The following PCBP3 variants were observed in gnomAD, a reference collection of about 807,000 sequenced individuals.
The protein encoded by PCBP3 is poly(rC)-binding protein 3.
PCBP3 carries 25 observed loss-of-function variants against 52.7 expected under a neutral mutation model. The ratio of observed to expected loss-of-function variants is 0.47; its 90% CI spans 0.35 to 0.66. The LOEUF is 0.66. Among genes scored for constraint, PCBP3 ranks in the 30% least tolerant of loss-of-function variants. The pLI, the probability that PCBP3 is intolerant of heterozygous loss-of-function variation, is 0.01. For missense variants in PCBP3, 391 were observed against 490.3 expected (o/e 0.80, Z 1.91); for synonymous variants, 162 against 183.0 (o/e 0.89, Z 0.93).
chr21:45,658,736 G>C (rs1191263075), intron 1 of PCBP3, among the ~76,000 whole-genome samples: 1 of 152,210 alleles, frequency 6.6e-6, no homozygotes, highest in Non-Finnish European at 1.5e-5. Flanking sequence ...GTTTCTCCTT[G>C]TGAAGGATTG....
chr21:45,790,523 C>T (rs1459956739), intron 4 of PCBP3, among the ~76,000 whole-genome samples: 2 of 152,024 alleles, frequency 1.3e-5, no homozygotes, highest in South Asian at 2.1e-4. Context: ...TGTTTTATGC[C>T]GGAAATGGCA....
intron 13 of PCBP3, 112 bp from the exon 14 acceptor site, chr21:45,929,805 A>C: frequency 2.5e-6 from 2 of 785,868 alleles, no homozygotes; most frequent in Non-Finnish European, 4.5e-6. Flanking sequence ...ATGTGTCCGC[A>C]TGGCCCTCTT....
intron 2 of PCBP3, among the ~76,000 whole-genome samples, chr21:45,722,964 A>T (rs1396006511): frequency 1.3e-5 from 2 of 151,832 alleles, no homozygotes; most frequent in Non-Finnish European, 2.9e-5. Context: ...CAGTGAGCTG[A>T]TAGCGCACCA....
chr21:45,937,927 A>T (rs1026367682), intron 16 of PCBP3, among the ~76,000 whole-genome samples: 6 of 152,264 alleles, frequency 3.9e-5, no homozygotes, highest in African/African-American at 1.4e-4. Context: ...ATGATGTCCC[A>T]TCAGCATTCA....
Position 45,917,541 on chromosome 21 carries a change from G to C in PCBP3, c.676-47G>C. The C allele has an allele frequency of 6.5e-7, 1 of 1,544,584 alleles. No homozygotes were observed. The highest frequency in any genetic ancestry group is 8.9e-7 in the Non-Finnish European group (1 of 1,119,556). On this transcript the variant is annotated intron_variant, in intron 12 of 17. Transcript: ENST00000681687. This position sits in a 1 kb window ranked among gnomAD's most constrained non-coding sequence, Gnocchi z 5.3. ...GGAGGGTGGCGGCGGGTGCTGAGCC[G>C]TGGTGCAGCCAGGTTGCAGTCTGAC... is the stretch of plus-strand genomic sequence containing the variant.
At position 45,941,650 on chromosome 21, in the gene PCBP3, C is replaced by A. The variant is rs2149628259; in HGVS notation, c.1080-20C>A. 1 of 1,604,474 alleles carries A rather than the reference C, an allele frequency of 6.2e-7. No individual in the cohort carries two copies. The highest frequency in any genetic ancestry group is 1.7e-4 in the Middle Eastern group (1 of 6,034). On this transcript the variant is annotated intron_variant, in intron 17 of 17. Transcript: ENST00000681687. Reference sequence around the variant, plus strand: ...GTTGGTTGTGACCGTCTCTCCCTCTCCTGCCTTTGTCTGTTCCAGGCTGAC... The same window carrying A: ...GTTGGTTGTGACCGTCTCTCCCTCTACTGCCTTTGTCTGTTCCAGGCTGAC...
intron 1 of PCBP3, among the ~76,000 whole-genome samples, chr21:45,664,389 C>T (rs1279734855): frequency 1.3e-5 from 2 of 148,994 alleles, no homozygotes; most frequent in Non-Finnish European, 3.0e-5. Context: ...GAAATAAAGG[C>T]ATTTTCAGTT....
rs1168070141 is a variant in PCBP3, at chr21:45,830,522, T to G, written c.-125-19439T>G. On this transcript the variant is annotated intron_variant, in intron 4 of 17. Coordinates refer to ENST00000681687, the MANE Select transcript of PCBP3 (RefSeq NM_001384156.1). This position sits in a 1 kb window ranked among gnomAD's most constrained non-coding sequence, Gnocchi z 4.4. ...GACGCGGGAGCCCTGCTGTGGGGGGTGTGTGCGCATGCTCAGCACAGCCTA... is the reference window on the plus strand; with the variant it reads ...GACGCGGGAGCCCTGCTGTGGGGGGGGTGTGCGCATGCTCAGCACAGCCTA... 7 of 152,132 alleles carry G rather than the reference T, an allele frequency of 4.6e-5. No individual in the cohort carries two copies. The highest frequency in any genetic ancestry group is 7.3e-5 in the Non-Finnish European group (5 of 68,056). The allele number at this position is 152,132 out of a possible 1,614,324, so 9.4% of individuals were successfully genotyped here.
At chr21:45,818,093 G>C (rs2093020953) in intron 4 of PCBP3, among the ~76,000 whole-genome samples, 1 of 152,046 alleles carries the variant, frequency 6.6e-6, no homozygotes, top group Non-Finnish European at 1.5e-5. Context: ...TGCGATCTTG[G>C]CTCACTGCAA....
At chr21:45,855,625 C>A (rs2094256033) in intron 5 of PCBP3, among the ~76,000 whole-genome samples, 2 of 152,232 alleles carry the variant, frequency 1.3e-5, no homozygotes, top group Non-Finnish European at 2.9e-5. Context: ...TTAAATGAGA[C>A]CCAAGGCTGC....
rs1477772179 is a variant in PCBP3, at chr21:45,690,652, A to G, written c.-200+21700A>G. 5.3e-5 allele frequency among the ~76,000 whole-genome samples: 8 copies of G among 152,172 alleles called. No homozygotes were observed. The East Asian group carries it at 9.6e-4, about 18-fold the overall frequency. On this transcript the variant is annotated intron_variant, in intron 2 of 17. Transcript: ENST00000681687. ...AACAACAACTCAATAAAAAATACCAAAATATTTCTACAGATACATCACAGA... is the reference window on the plus strand; with the variant it reads ...AACAACAACTCAATAAAAAATACCAGAATATTTCTACAGATACATCACAGA...
intron 4 of PCBP3, among the ~76,000 whole-genome samples, chr21:45,809,765 G>C (rs531039485): frequency 6.6e-6 from 1 of 152,336 alleles, no homozygotes; most frequent in South Asian, 2.1e-4. Context: ...GACCCTCACA[G>C]GAAGCCAACT....
At chr21:45,898,599 G>C (rs111586844) in intron 6 of PCBP3, among the ~76,000 whole-genome samples, 21 of 60,110 alleles carry the variant, frequency 3.5e-4, no homozygotes, top group East Asian at 2.0e-3. Context: ...CCCTCCACGG[G>C]CCCCTCTACA....
chr21:45,904,859 C>A lies in PCBP3; in HGVS notation c.339+3746C>A, dbSNP rs1218949905. ...GACGGATACCTGGCCTTAAAAGAAC[C>A]TCAGCAGTCTTTGTAAAGCTTCCCA... On this transcript the variant is annotated intron_variant, in intron 9 of 17. Coordinates refer to ENST00000681687, the MANE Select transcript of PCBP3 (RefSeq NM_001384156.1). This position sits in a 1 kb window ranked among gnomAD's most constrained non-coding sequence, Gnocchi z 4.8. Among the ~76,000 whole-genome samples, 1 of 152,170 alleles carries A rather than the reference C, an allele frequency of 6.6e-6. No homozygotes were observed. The highest frequency in any genetic ancestry group is 6.5e-5 in the Admixed American group (1 of 15,280).
At chr21:45,721,446 A>C (rs1342685256) in intron 2 of PCBP3, among the ~76,000 whole-genome samples, 1 of 150,470 alleles carries the variant, frequency 6.6e-6, no homozygotes, top group Non-Finnish European at 1.5e-5. Context: ...TCTTGGCTGC[A>C]GGGCTGACCG....
intron 5 of PCBP3, among the ~76,000 whole-genome samples, chr21:45,857,386 G>GA (rs553991853): frequency 1.3e-5 from 2 of 151,936 alleles, no homozygotes; most frequent in African/African-American, 2.4e-5. Context: ...ATATAGGCAA[G>GA]AAAAAAAATC....
intron 9 of PCBP3, 36 bp downstream of exon 9, chr21:45,901,149 G>A (rs202194067): frequency 2.3e-5 from 34 of 1,464,200 alleles, no homozygotes; most frequent in Middle Eastern, 1.8e-4. Flanking sequence ...CCAGCCTGGC[G>A]GGGGCAGGCC....
chr21:45,888,492 A>C (rs1435730586), intron 5 of PCBP3, among the ~76,000 whole-genome samples: 1 of 152,064 alleles, frequency 6.6e-6, no homozygotes, highest in Non-Finnish European at 1.5e-5. Context: ...CCCCTCACTC[A>C]CCTGGGTCTC....
At chr21:45,651,901 A>G (rs1295307510) in intron 1 of PCBP3, among the ~76,000 whole-genome samples, 2 of 152,222 alleles carry the variant, frequency 1.3e-5, no homozygotes, top group African/African-American at 4.8e-5. Context: ...TTGATTTTTG[A>G]GCATCTAGGT....
Sources: gnomAD v4.1 joint callset for allele counts (sites outside exome capture counted in the v4.1 genomes callset) on GRCh38, gnomAD v4.1.1 for gene constraint, Gnocchi (gnomAD v3.1) non-coding constraint, MANE v1.5 for transcripts, NCBI Gene and HGNC (gene_info 2026-07-23, HGNC 2026-07-21) for gene names.